Variants in SCML1 observed in about 807,000 individuals in gnomAD.
The protein encoded by SCML1 is sex comb on midleg-like protein 1.
For missense variants in SCML1, 137 were observed against 258.1 expected (o/e 0.53, Z 3.22); for synonymous variants, 104 against 103.6 (o/e 1.00, Z -0.02).
Position 17,753,680 on chromosome X carries a change from GA to G in SCML1, c.*301del, listed in dbSNP as rs747596060. On this transcript the variant is annotated 3_prime_UTR_variant, in exon 8 of 8. Coordinates refer to ENST00000380041, the MANE Select transcript of SCML1 (RefSeq NM_001037540.3). ...ACAAATATATTTCATGCAAGAAACA[GA>G]AAAAAAAAAAAACCCTTTGATTCTG... 4.4e-3 allele frequency: 427 copies of G among 96,205 alleles called. No homozygotes were observed. Among genetic ancestry groups the G allele is most frequent in the East Asian group, 8.5e-3 (29 of 3,420 alleles). The allele number at this position is 96,205 out of a possible 1,213,427, so 7.9% of individuals were successfully genotyped here. A position where few individuals can be genotyped will look rare whatever the true frequency, so the allele number is the denominator to read the frequency against.
chrX:17,748,740 G>A (rs1279183861), intron 4 of SCML1, among the ~76,000 whole-genome samples: 2 of 111,810 alleles, frequency 1.8e-5, no homozygotes, highest in East Asian at 5.6e-4. Context: ...CAATGTTTCT[G>A]GCCCTTTGCT....
At chrX:17,752,284 C>A (rs1324683675) in intron 7 of SCML1, among the ~76,000 whole-genome samples, 1 of 111,830 alleles carries the variant, frequency 8.9e-6, no homozygotes. Flanking sequence ...CAGCTGGGCA[C>A]CAGGACCACG....
intron 4 of SCML1, among the ~76,000 whole-genome samples, chrX:17,747,658 T>C (rs898095796): frequency 3.6e-5 from 4 of 112,245 alleles, no homozygotes; most frequent in African/African-American, 1.3e-4. Flanking sequence ...ACTGCTTTTC[T>C]GTGCAGGCTT....
chrX:17,752,984 A>G (rs1020624178), intron 7 of SCML1, among the ~76,000 whole-genome samples: 2 of 110,430 alleles, frequency 1.8e-5, no homozygotes, highest in African/African-American at 6.6e-5. Context: ...TACAGTATAT[A>G]TTTAAAATTA....
intron 6 of SCML1, among the ~76,000 whole-genome samples, chrX:17,751,022 A>G (rs1413892744): frequency 8.9e-6 from 1 of 112,805 alleles, no homozygotes. Context: ...AAGTATGAGC[A>G]GTTAAACTGT....
chrX:17,740,515 A>G (rs958102405), intron 1 of SCML1, among the ~76,000 whole-genome samples: 1 of 111,775 alleles, frequency 8.9e-6, no homozygotes, highest in Non-Finnish European at 1.9e-5. Context: ...AAAAAAAAAA[A>G]AGGATTTAAG....
chrX:17,746,857 G>A (rs1401591328), intron 4 of SCML1, among the ~76,000 whole-genome samples: 1 of 111,860 alleles, frequency 8.9e-6, no homozygotes, highest in African/African-American at 3.3e-5. Flanking sequence ...CGCTGAGGTG[G>A]GAGGTAGCAT....
chrX:17,746,413 T>C (rs763649181), intron 4 of SCML1, among the ~76,000 whole-genome samples: 1 of 112,059 alleles, frequency 8.9e-6, no homozygotes, highest in Non-Finnish European at 1.9e-5. Context: ...CTGATTTGGA[T>C]GAAATTTAGT....
chrX:17,754,670 C>G lies in SCML1; in HGVS notation c.*1278C>G, dbSNP rs1310978533. On this transcript the variant is annotated 3_prime_UTR_variant, in exon 8 of 8. Coordinates refer to ENST00000380041, the MANE Select transcript of SCML1 (RefSeq NM_001037540.3). Reference sequence around the variant, plus strand: ...CATTGTGTAACAAATATAAGGTTTACGAGCTATGAGAATTGGTGCTATCAC... The same window carrying G: ...CATTGTGTAACAAATATAAGGTTTAGGAGCTATGAGAATTGGTGCTATCAC... 8.9e-6 allele frequency: 1 copy of G among 112,571 alleles called. No individual in the cohort carries two copies. The highest frequency in any genetic ancestry group is 1.9e-5 in the Non-Finnish European group (1 of 53,240). 9.3% of individuals were successfully genotyped at this position (112,571 alleles called of 1,213,427 possible).
rs2066740628 is a variant in SCML1, at chrX:17,754,117, CTG to C, written c.*727_*728del. 9.0e-6 allele frequency: 1 copy of C among 111,549 alleles called. No homozygotes were observed. Among genetic ancestry groups the C allele is most frequent in the South Asian group, 3.7e-4 (1 of 2,696 alleles). The allele number at this position is 111,549 out of a possible 1,213,427, so 9.2% of individuals were successfully genotyped here. A position where few individuals can be genotyped will look rare whatever the true frequency, so the allele number is the denominator to read the frequency against. ...TTTCAAACAAACTATTATATTAAAA[CTG>C]TCATATTTTGGCTAAGTTTGGACCT... On this transcript the variant is annotated 3_prime_UTR_variant, in exon 8 of 8. Transcript: ENST00000380041.
intron 4 of SCML1, among the ~76,000 whole-genome samples, chrX:17,746,412 A>G (rs760324484): frequency 2.7e-5 from 3 of 112,063 alleles, no homozygotes; most frequent in Admixed American, 1.9e-4. Context: ...ACTGATTTGG[A>G]TGAAATTTAG....
Position 17,753,304 on chromosome X carries a change from T to C in SCML1, c.902T>C (p.Leu301Pro). 8.4e-7 allele frequency: 1 copy of C among 1,185,486 alleles called. No individual in the cohort carries two copies. The highest frequency in any genetic ancestry group is 1.1e-6 in the Non-Finnish European group (1 of 880,125). ...CTCCTACTCACGAGTGACGTGTTGC[T>C]GAAGCACTTGGGGGTGAAGCTGGGA... ...ALLLLTSDVL[L>P]KHLGVKLGTA... Residue 301 changes from leucine to proline, a missense_variant, in exon 8 of 8, where the codon CTG (leucine) becomes CCG (proline). Coordinates refer to ENST00000380041, the MANE Select transcript of SCML1 (RefSeq NM_001037540.3).
chrX:17,747,816 A>G, intron 4 of SCML1, among the ~76,000 whole-genome samples: 1 of 111,736 alleles, frequency 8.9e-6, no homozygotes, highest in Non-Finnish European at 1.9e-5. Context: ...CCTCGAGAGA[A>G]CCCTGAGAGA....
Position 17,744,310 on chromosome X carries a change from A to T in SCML1, c.33+91A>T, listed in dbSNP as rs1462023382. On this transcript the variant is annotated intron_variant, in intron 2 of 7. Transcript: ENST00000380041. ...AGTTTAATTTTATACAGTGAAATGC[A>T]TAGATCATAAGTAAATTTTTGTTAT... The T allele has an allele frequency of 1.2e-5, 8 of 674,487 alleles. No homozygotes were observed. The Admixed American group carries it at 1.4e-4, about 12-fold the overall frequency. 55.6% of individuals were successfully genotyped at this position (674,487 alleles called of 1,213,427 possible).
rs533033910 is a variant in SCML1, at chrX:17,752,663, G to A, written c.856-595G>A. ...TGATCAATTAAGATAAGGAATTTTA[G>A]GAGAATGCTTTGTGACTATGTTTTA... On this transcript the variant is annotated intron_variant, in intron 7 of 7. Transcript: ENST00000380041. Among the ~76,000 whole-genome samples the A allele has an allele frequency of 7.1e-5, 8 of 112,221 alleles. No individual in the cohort carries two copies. The South Asian group carries it at 3.0e-3, about 42-fold the overall frequency.
intron 4 of SCML1, among the ~76,000 whole-genome samples, chrX:17,746,519 T>G (rs1412948423): frequency 1.8e-5 from 2 of 111,140 alleles, no homozygotes; most frequent in African/African-American, 6.6e-5. Flanking sequence ...TTTTGAGGAG[T>G]TGTTTTAAGA....
chrX:17,749,307 G>A (rs1486143739), intron 4 of SCML1, 93 bp from the exon 5 acceptor site: 12 of 527,992 alleles, frequency 2.3e-5, no homozygotes, highest in Non-Finnish European at 3.6e-5. Flanking sequence ...GTTAACATTT[G>A]ACTTAATGGT....
Position 17,744,138 on chromosome X carries a change from ATAAT to A in SCML1, c.-46_-43del, listed in dbSNP as rs779998191. The A allele has an allele frequency of 1.8e-6, 2 of 1,121,745 alleles. No homozygotes were observed. The highest frequency in any genetic ancestry group is 2.5e-6 in the Non-Finnish European group (2 of 816,088). 92.4% of individuals were successfully genotyped at this position (1,121,745 alleles called of 1,213,427 possible). A position where few individuals can be genotyped will look rare whatever the true frequency, so the allele number is the denominator to read the frequency against. ...AATAAACCCTCCAGCAAGTTTAAAA[ATAAT>A]TAGGTCCAACTCAGAGGAAGTGGAG... On this transcript the variant is annotated 5_prime_UTR_variant, in exon 2 of 8. Coordinates refer to ENST00000380041, the MANE Select transcript of SCML1 (RefSeq NM_001037540.3).
upstream of SCML1, chrX:17,737,418 T>G (rs1236605803): frequency 2.5e-3 from 7 of 2,808 alleles, no homozygotes; most frequent in South Asian, 0.053. Flanking sequence ...CAGCGGGTAG[T>G]CCCGCCCCCC....
Sources: gnomAD v4.1 joint callset for allele counts (sites outside exome capture counted in the v4.1 genomes callset) on GRCh38, gnomAD v4.1.1 for gene constraint, MANE v1.5 for transcripts, NCBI Gene and HGNC (gene_info 2026-07-23, HGNC 2026-07-21) for gene names.